The following ERBB4 variants were observed in gnomAD, a reference collection of about 807,000 sequenced individuals.
ERBB4 encodes the protein receptor tyrosine-protein kinase erbB-4.
In ERBB4, 42 loss-of-function variants were observed where a neutral mutation model predicts 158.0. The ratio of observed to expected loss-of-function variants is 0.27; its 90% CI spans 0.21 to 0.34. ERBB4 has a LOEUF of 0.34. ERBB4 is among the 10% of genes least tolerant of loss of function. The pLI, the probability that ERBB4 is intolerant of heterozygous loss-of-function variation, is 1.00. For missense variants in ERBB4, 1,333 were observed against 1,624.1 expected (o/e 0.82, Z 3.08); for synonymous variants, 583 against 558.7 (o/e 1.04, Z -0.61).
intron 2 of ERBB4, among the ~76,000 whole-genome samples, chr2:211,988,404 A>G (rs2081990398): frequency 6.6e-6 from 1 of 152,158 alleles, no homozygotes; most frequent in South Asian, 2.1e-4. Context: ...GTAAAATGAT[A>G]TAAGAAACAT....
intron 1 of ERBB4, among the ~76,000 whole-genome samples, chr2:212,275,021 T>G (rs1468114223): frequency 6.6e-6 from 1 of 151,940 alleles, no homozygotes; most frequent in Non-Finnish European, 1.5e-5. Context: ...GAACATGCAG[T>G]GTTTGGTTTT....
At chr2:212,227,078 T>G (rs1246217360) in intron 1 of ERBB4, among the ~76,000 whole-genome samples, 1 of 152,018 alleles carries the variant, frequency 6.6e-6, no homozygotes, top group Non-Finnish European at 1.5e-5. Flanking sequence ...AAACCCCATC[T>G]CTACTAAAAA....
At chr2:211,437,200 C>T (rs1202069190) in intron 20 of ERBB4, among the ~76,000 whole-genome samples, 2 of 152,084 alleles carry the variant, frequency 1.3e-5, no homozygotes, top group Non-Finnish European at 2.9e-5. Context: ...TCTGTAAGCC[C>T]TAGTAAGTTT....
rs5838307 is a variant in ERBB4 at position 212,194,291 on chromosome 2, T to TACACACAC, written c.83-69396_83-69389dup. 9.3e-3 allele frequency among the ~76,000 whole-genome samples: 1,377 copies of TACACACAC among 148,824 alleles called. 10 individuals are homozygous for TACACACAC. The highest frequency in any genetic ancestry group is 0.041 in the Middle Eastern group (12 of 294). The stretch of plus-strand genomic sequence containing the variant: ...ATTTATATATAGTTTAAATAGTTTA[T>TACACACAC]ACACACACACACACACACACACACA... On this transcript the variant is annotated intron_variant, in intron 1 of 27. Transcript: ENST00000342788.
intron 13 of ERBB4, among the ~76,000 whole-genome samples, chr2:211,675,112 T>C (rs1162698281): frequency 1.3e-5 from 2 of 152,190 alleles, no homozygotes; most frequent in Admixed American, 1.3e-4. Context: ...TCTTTTTCTT[T>C]CCTGTCCTCT....
intron 1 of ERBB4, among the ~76,000 whole-genome samples, chr2:212,437,039 C>G (rs189505185): frequency 2.4e-4 from 36 of 152,118 alleles, no homozygotes; most frequent in African/African-American, 8.4e-4. Flanking sequence ...ACGCCAAAGA[C>G]TGGTTGTAAA....
chr2:212,198,453 A>G (rs530295640), intron 1 of ERBB4, among the ~76,000 whole-genome samples: 17 of 152,342 alleles, frequency 1.1e-4, no homozygotes, highest in African/African-American at 3.4e-4. Context: ...AACCTCATAC[A>G]AGTGAAATCA....
At chr2:211,520,684 G>T (rs10804198) in intron 20 of ERBB4, among the ~76,000 whole-genome samples, 44,400 of 151,984 alleles carry the variant, frequency 0.29, 7,523 homozygotes, top group East Asian at 0.62. Flanking sequence ...TGCTTTAGTT[G>T]ATTGTACTGC....
At chr2:211,997,365 C>A (rs1292975773) in intron 2 of ERBB4, among the ~76,000 whole-genome samples, 1 of 151,874 alleles carries the variant, frequency 6.6e-6, no homozygotes, top group Admixed American at 6.6e-5. Flanking sequence ...AAAAAAAATA[C>A]TTCTGAACTA....
At chr2:212,420,762 T>C (rs555558220) in intron 1 of ERBB4, among the ~76,000 whole-genome samples, 1 of 152,166 alleles carries the variant, frequency 6.6e-6, no homozygotes, top group East Asian at 1.9e-4. Flanking sequence ...ACATCCTTCA[T>C]GACATGCATC....
intron 20 of ERBB4, among the ~76,000 whole-genome samples, chr2:211,435,489 C>A (rs2063829512): frequency 6.6e-6 from 1 of 152,162 alleles, no homozygotes; most frequent in African/African-American, 2.4e-5. Context: ...GATCCCCAAC[C>A]CCTGGGCCAT....
At chr2:211,560,044 A>G (rs2067342659) in intron 20 of ERBB4, among the ~76,000 whole-genome samples, 1 of 152,202 alleles carries the variant, frequency 6.6e-6, no homozygotes, top group Non-Finnish European at 1.5e-5. Flanking sequence ...TGCAGCATGA[A>G]CCAAGAAGCC....
At chr2:212,203,805 G>A (rs1479961824) in intron 1 of ERBB4, among the ~76,000 whole-genome samples, 4 of 152,090 alleles carry the variant, frequency 2.6e-5, no homozygotes, top group African/African-American at 4.8e-5. Context: ...CATTCAGGTG[G>A]CACAAAGATA....
chr2:212,192,074 A>ATATATGTTATATGT (rs1295045748), intron 1 of ERBB4, among the ~76,000 whole-genome samples: 1 of 87,304 alleles, frequency 1.1e-5, no homozygotes, highest in Non-Finnish European at 2.3e-5. Context: ...GTTATATGTT[A>ATATATGTTATATGT]TATATATTAT....
chr2:212,439,132 G>A (rs1327029968), intron 1 of ERBB4, among the ~76,000 whole-genome samples: 1 of 151,970 alleles, frequency 6.6e-6, no homozygotes, highest in Non-Finnish European at 1.5e-5. Context: ...TACTTCTCAA[G>A]ATTTGCCTTA....
At chr2:211,817,544 C>T (rs2076905264) in intron 3 of ERBB4, among the ~76,000 whole-genome samples, 1 of 152,106 alleles carries the variant, frequency 6.6e-6, no homozygotes, top group Admixed American at 6.6e-5. Flanking sequence ...TACTTTTCCC[C>T]TTTGATGCTG....
At chr2:212,301,104 T>C (rs2086602604) in intron 1 of ERBB4, among the ~76,000 whole-genome samples, 1 of 139,232 alleles carries the variant, frequency 7.2e-6, no homozygotes, top group Non-Finnish European at 1.6e-5. Flanking sequence ...TATTGTTAGA[T>C]GGTTTGCATT....
intron 5 of ERBB4, among the ~76,000 whole-genome samples, chr2:211,726,470 A>G (rs1225710181): frequency 6.6e-6 from 1 of 152,148 alleles, no homozygotes; most frequent in Admixed American, 6.5e-5. Context: ...TTTCTTTTCT[A>G]AGTTCCCTTA....
At chr2:211,515,912 A>ATATATATATATATATATATATATTT (rs35696520) in intron 20 of ERBB4, among the ~76,000 whole-genome samples, 19 of 78,982 alleles carry the variant, frequency 2.4e-4, no homozygotes, top group African/African-American at 9.7e-4. Context: ...ATATATATAT[A>ATATATATATATATATATATATATTT]TTTTTTTTTT....
Sources: allele counts gnomAD v4.1 joint callset (sites outside exome capture counted in the v4.1 genomes callset), GRCh38; gene constraint gnomAD v4.1.1; transcripts MANE v1.5; gene names NCBI Gene and HGNC (gene_info 2026-07-23, HGNC 2026-07-21).